CPA6: variants seen among roughly 807,000 people sequenced by gnomAD.
CPA6 encodes carboxypeptidase A6.
In CPA6, 58 loss-of-function variants were observed where a neutral mutation model predicts 63.3. That is an observed-to-expected ratio of 0.92 (90% CI 0.74 to 1.14). CPA6 has a LOEUF of 1.14. Among genes scored for constraint, CPA6 ranks in the 50% most tolerant of loss-of-function variants. CPA6 has a pLI of 0.00. For missense variants in CPA6, 565 were observed against 526.6 expected, an observed-to-expected ratio of 1.07 and a Z score of -0.71; for synonymous variants, 185 against 179.0, an observed-to-expected ratio of 1.03 and a Z score of -0.27.
At chr8:67,646,821 G>A (rs1453841453) in intron 1 of CPA6, among the ~76,000 whole-genome samples, 1 of 152,174 alleles carries the variant, frequency 6.6e-6, no homozygotes, top group African/African-American at 2.4e-5. Context: ...GATGGAATAG[G>A]CTTGCCCTGT....
intron 1 of CPA6, among the ~76,000 whole-genome samples, chr8:67,688,005 G>A (rs78459920): frequency 1.4e-3 from 217 of 152,076 alleles, no homozygotes; most frequent in Non-Finnish European, 5.3e-4. Context: ...GAAAAACCCC[G>A]TCCCTACAAA....
intron 1 of CPA6, among the ~76,000 whole-genome samples, chr8:67,679,505 T>C (rs754275363): frequency 6.6e-6 from 1 of 152,218 alleles, no homozygotes; most frequent in Non-Finnish European, 1.5e-5. Flanking sequence ...TTCATATAAT[T>C]GACTCAAATA....
intron 6 of CPA6, among the ~76,000 whole-genome samples, chr8:67,503,988 G>A (rs1811880803): frequency 6.6e-6 from 1 of 152,036 alleles, no homozygotes; most frequent in South Asian, 2.1e-4. Context: ...CCACTTATGA[G>A]AGAACACATG....
chr8:67,621,264 G>A (rs1815075010), intron 2 of CPA6, among the ~76,000 whole-genome samples: 1 of 152,106 alleles, frequency 6.6e-6, no homozygotes, highest in African/African-American at 2.4e-5. Flanking sequence ...GTATCCTTTT[G>A]CTGTGACCGA....
intron 1 of CPA6, among the ~76,000 whole-genome samples, chr8:67,628,913 G>A (rs2128987669): frequency 6.6e-6 from 1 of 152,256 alleles, no homozygotes; most frequent in East Asian, 1.9e-4. Flanking sequence ...TCAAGAGATT[G>A]AGACAATCCT....
At chr8:67,693,115 A>G (rs1816846720) in intron 1 of CPA6, among the ~76,000 whole-genome samples, 1 of 152,262 alleles carries the variant, frequency 6.6e-6, no homozygotes, top group Non-Finnish European at 1.5e-5. Flanking sequence ...GAAAAGACTC[A>G]TTCCAAATAA....
chr8:67,478,880 C>T (rs1009145213), intron 8 of CPA6, among the ~76,000 whole-genome samples: 2 of 151,986 alleles, frequency 1.3e-5, no homozygotes, highest in African/African-American at 4.8e-5. Flanking sequence ...AAAAATTAGC[C>T]CGGCGTGGTG....
intron 2 of CPA6, 116 bp downstream of exon 2, chr8:67,624,060 C>T (rs1177913778): frequency 1.7e-6 from 1 of 585,532 alleles, no homozygotes; most frequent in Non-Finnish European, 3.0e-6. Context: ...TTCAAGTTAT[C>T]TCCTTAGCCT....
chr8:67,615,042 G>T (rs973160857), intron 2 of CPA6, among the ~76,000 whole-genome samples: 2 of 152,062 alleles, frequency 1.3e-5, no homozygotes, highest in African/African-American at 2.4e-5. Flanking sequence ...TTAGGTTATC[G>T]ATACTCGTTT....
intron 8 of CPA6, among the ~76,000 whole-genome samples, chr8:67,434,718 G>A (rs1240542432): frequency 6.6e-6 from 1 of 152,110 alleles, no homozygotes; most frequent in Non-Finnish European, 1.5e-5. Context: ...AGCTGCAGCA[G>A]TGGCAGCAGC....
intron 1 of CPA6, among the ~76,000 whole-genome samples, chr8:67,654,258 T>C (rs1815927982): frequency 6.6e-6 from 1 of 152,250 alleles, no homozygotes; most frequent in African/African-American, 2.4e-5. Context: ...GCTGGCCTCA[T>C]AAAATGAGTT....
rs879529632 is a variant in CPA6 at position 67,607,237 on chromosome 8, CT to C, written c.192+16938del. Among the ~76,000 whole-genome samples, 780 of 116,782 alleles carry C rather than the reference CT, an allele frequency of 6.7e-3. 90 individuals are homozygous for C. The highest frequency in any genetic ancestry group is 9.3e-3 in the Middle Eastern group (2 of 214). 76.6% of individuals were successfully genotyped at this position (116,782 alleles called of 152,430 possible). A position where few individuals can be genotyped will look rare whatever the true frequency, so the allele number is the denominator to read the frequency against. On this transcript the variant is annotated intron_variant, in intron 2 of 10. Transcript: ENST00000297770. Reference sequence around the variant, plus strand: ...TCTTCTTCTTCTTCTTCTTCTTCTTCTTCTTCTTCTTCTTCTCCTCCTCCTC... The same window carrying C: ...TCTTCTTCTTCTTCTTCTTCTTCTTCTCTTCTTCTTCTTCTCCTCCTCCTC...
chr8:67,690,068 GTCT>G (rs1476306215), intron 1 of CPA6, among the ~76,000 whole-genome samples: 2 of 152,078 alleles, frequency 1.3e-5, no homozygotes, highest in Non-Finnish European at 2.9e-5. Flanking sequence ...CTGCTTTTAT[GTCT>G]TCTTTAGAGA....
intron 1 of CPA6, among the ~76,000 whole-genome samples, chr8:67,691,113 A>C (rs1461778446): frequency 6.6e-6 from 1 of 152,234 alleles, no homozygotes; most frequent in East Asian, 1.9e-4. Flanking sequence ...TACAAAAGGA[A>C]ACATTTAAAA....
chr8:67,713,095 GTGTGTATATATATA>G (rs1323224662), intron 1 of CPA6, among the ~76,000 whole-genome samples: 87 of 86,352 alleles, frequency 1.0e-3, no homozygotes, highest in South Asian at 5.5e-3. Flanking sequence ...GTGTGTGTGT[GTGTGTATATATATA>G]TATATATATA....
At chr8:67,459,979 G>C (rs1276439656) in intron 8 of CPA6, among the ~76,000 whole-genome samples, 1 of 151,942 alleles carries the variant, frequency 6.6e-6, no homozygotes, top group Non-Finnish European at 1.5e-5. Context: ...ATTTTGCTGT[G>C]AACCAAAAAC....
intron 2 of CPA6, among the ~76,000 whole-genome samples, chr8:67,602,235 G>A (rs116993696): frequency 0.033 from 5,097 of 152,162 alleles, 133 homozygotes; most frequent in Non-Finnish European, 0.052. Context: ...ACAAATTTAT[G>A]CAGAGGTACA....
intron 1 of CPA6, among the ~76,000 whole-genome samples, chr8:67,713,089 G>GTATATATATATATATATA (rs1170350800): frequency 1.1e-5 from 1 of 88,238 alleles, no homozygotes; most frequent in African/African-American, 5.0e-5. Flanking sequence ...GTGTATGTGT[G>GTATATATATATATATATA]TGTGTGTGTG....
At chr8:67,644,070 C>T (rs1815656540) in intron 1 of CPA6, among the ~76,000 whole-genome samples, 1 of 151,948 alleles carries the variant, frequency 6.6e-6, no homozygotes, top group South Asian at 2.1e-4. Flanking sequence ...GTTGGCAGTA[C>T]CTTAAAGACC....
Sources: allele counts gnomAD v4.1 joint callset (sites outside exome capture counted in the v4.1 genomes callset), GRCh38; gene constraint gnomAD v4.1.1; transcripts MANE v1.5; gene names NCBI Gene and HGNC (gene_info 2026-07-23, HGNC 2026-07-21).